SF3B6: variants seen among roughly 807,000 people sequenced by gnomAD.
SF3B6 encodes SF3b 14 kDa subunit.
Under a neutral mutation model 15.9 loss-of-function variants are expected in SF3B6, and 3 were observed. The observed-to-expected ratio is 0.19, with a 90% CI of 0.09 to 0.49. SF3B6 has a LOEUF of 0.49. Among genes scored for constraint, SF3B6 ranks in the 20% least tolerant of loss-of-function variants. The pLI is 0.97. For missense variants in SF3B6, 71 were observed against 154.3 expected (o/e 0.46, Z 2.86); for synonymous variants, 49 against 51.1 (o/e 0.96, Z 0.18).
chr2:24,075,478 C>T (rs528713820), intron 1 of SF3B6, among the ~76,000 whole-genome samples: 1 of 151,782 alleles, frequency 6.6e-6, no homozygotes, highest in African/African-American at 2.4e-5. Flanking sequence ...ATCCTCCCAC[C>T]TCAGCCTCCA....
chr2:24,074,550 T>C (rs141727736), intron 1 of SF3B6, among the ~76,000 whole-genome samples: 1 of 151,888 alleles, frequency 6.6e-6, no homozygotes, highest in African/African-American at 2.4e-5. Context: ...TTTGCAAACC[T>C]TACCACCATC....
At chr2:24,074,258 G>A in intron 1 of SF3B6, 64 bp from the exon 2 acceptor site, 1 of 810,010 alleles carries the variant, frequency 1.2e-6, no homozygotes, top group Middle Eastern at 2.5e-4. Context: ...TAATTTAAAT[G>A]CCCCTATAAT....
At chr2:24,075,345 CT>C (rs1664719338) in intron 1 of SF3B6, among the ~76,000 whole-genome samples, 2 of 137,464 alleles carry the variant, frequency 1.5e-5, no homozygotes, top group Non-Finnish European at 3.0e-5. Context: ...TTCTTTCTTT[CT>C]TTCTTTCTTT....
At chr2:24,071,224 C>T (rs987163342) in intron 2 of SF3B6, among the ~76,000 whole-genome samples, 3 of 152,212 alleles carry the variant, frequency 2.0e-5, no homozygotes, top group Non-Finnish European at 2.9e-5. Flanking sequence ...AACTCCTGAC[C>T]TTGTGATCTG....
chr2:24,071,099 T>G (rs1224335573), intron 2 of SF3B6, among the ~76,000 whole-genome samples: 1 of 152,100 alleles, frequency 6.6e-6, no homozygotes, highest in Non-Finnish European at 1.5e-5. Flanking sequence ...TTCAAGCGGC[T>G]CTCCTGCCTC....
chr2:24,075,328 T>C (rs11900665), intron 1 of SF3B6, among the ~76,000 whole-genome samples: 57,857 of 146,824 alleles, frequency 0.39, 12,073 homozygotes, highest in African/African-American at 0.53. Context: ...GGTCAATTGC[T>C]TGTCTTTTCT....
rs549231121 is a variant in SF3B6, at chr2:24,071,560, G to A, written c.149+2516C>T. Among the ~76,000 whole-genome samples, 5 of 152,254 alleles carry A rather than the reference G, an allele frequency of 3.3e-5. No homozygotes were observed. The East Asian group carries it at 5.8e-4, about 18-fold the overall frequency. The stretch of plus-strand genomic sequence containing the variant: ...GCGGAGTTTGCAGTGAGCCGAGATC[G>A]TGCCATTGCACTCCAGCCTGGGCAA... On this transcript the variant is annotated intron_variant, in intron 2 of 3. Coordinates refer to ENST00000233468, the MANE Select transcript of SF3B6 (RefSeq NM_016047.4).
chr2:24,073,076 G>A (rs1452392157), intron 2 of SF3B6, among the ~76,000 whole-genome samples: 1 of 152,166 alleles, frequency 6.6e-6, no homozygotes, highest in African/African-American at 2.4e-5. Flanking sequence ...CCCCATCTGA[G>A]TACCAATGAT....
intron 2 of SF3B6, among the ~76,000 whole-genome samples, chr2:24,073,192 T>C (rs1664683528): frequency 6.6e-6 from 1 of 152,224 alleles, no homozygotes; most frequent in Admixed American, 6.5e-5. Flanking sequence ...TCTCAAGTCA[T>C]ACAAGACGGA....
Position 24,076,230 on chromosome 2 carries a change from C to G in SF3B6, c.-1G>C. ...CCCTCTTGGCCGCTTGCATCGCCAT[C>G]TTGGCGGGCTGATGAAGTTACCGTA... On this transcript the variant is annotated 5_prime_UTR_variant, in exon 1 of 4. Coordinates refer to ENST00000233468, the MANE Select transcript of SF3B6 (RefSeq NM_016047.4). 1.2e-6 allele frequency: 2 copies of G among 1,614,210 alleles called. No homozygotes were observed. Among genetic ancestry groups the G allele is most frequent in the Non-Finnish European group, 1.7e-6 (2 of 1,180,036 alleles).
chr2:24,074,482 A>AC (rs570302530), intron 1 of SF3B6, among the ~76,000 whole-genome samples: 297 of 151,674 alleles, frequency 2.0e-3, no homozygotes, highest in African/African-American at 6.8e-3. Context: ...ACATAGTGAG[A>AC]CCCCCATCTC....
intron 1 of SF3B6, among the ~76,000 whole-genome samples, chr2:24,074,986 G>A (rs570329584): frequency 6.6e-6 from 1 of 151,990 alleles, no homozygotes; most frequent in Admixed American, 6.5e-5. Context: ...AAAATTAGCC[G>A]GGCATGGTGG....
chr2:24,074,671 C>T (rs1017959330), intron 1 of SF3B6, among the ~76,000 whole-genome samples: 2 of 152,306 alleles, frequency 1.3e-5, no homozygotes, highest in South Asian at 4.1e-4. Flanking sequence ...AAATACTTTT[C>T]ATCTATATCC....
At chr2:24,071,755 T>G (rs1664654292) in intron 2 of SF3B6, among the ~76,000 whole-genome samples, 1 of 152,186 alleles carries the variant, frequency 6.6e-6, no homozygotes. Flanking sequence ...AGGCATGAGA[T>G]GAGCTGGTGA....
At chr2:24,068,604 C>G (rs1664601394) in intron 2 of SF3B6, 145 bp from the exon 3 acceptor site, 3 of 716,728 alleles carry the variant, frequency 4.2e-6, no homozygotes, top group Non-Finnish European at 6.7e-6. Flanking sequence ...TGAAATCAAC[C>G]TGAAACCATC....
intron 2 of SF3B6, among the ~76,000 whole-genome samples, chr2:24,069,501 G>T (rs1026821826): frequency 6.6e-6 from 1 of 152,194 alleles, no homozygotes; most frequent in Non-Finnish European, 1.5e-5. Context: ...CAGGCTCTGG[G>T]TGACAAGATG....
intron 2 of SF3B6, 104 bp downstream of exon 2, chr2:24,073,972 G>T: frequency 1.4e-6 from 1 of 736,482 alleles, no homozygotes; most frequent in Non-Finnish European, 2.4e-6. Flanking sequence ...CTCTTGGTAA[G>T]GGTTGTCGCA....
At chr2:24,071,526 A>G (rs1664651177) in intron 2 of SF3B6, among the ~76,000 whole-genome samples, 1 of 152,042 alleles carries the variant, frequency 6.6e-6, no homozygotes, top group South Asian at 2.1e-4. Flanking sequence ...AACCACTTGA[A>G]CCTGGGAGGC....
intron 1 of SF3B6, among the ~76,000 whole-genome samples, chr2:24,075,079 A>C (rs903467888): frequency 6.6e-6 from 1 of 152,194 alleles, no homozygotes; most frequent in Non-Finnish European, 1.5e-5. Flanking sequence ...CAGTGAGCCA[A>C]GACTGTGCCA....
Sources: gnomAD v4.1 joint callset for allele counts (sites outside exome capture counted in the v4.1 genomes callset) on GRCh38, gnomAD v4.1.1 for gene constraint, MANE v1.5 for transcripts, NCBI Gene and HGNC (gene_info 2026-07-23, HGNC 2026-07-21) for gene names.